Variants in MIB1 observed in about 807,000 individuals in gnomAD.
MIB1 encodes the protein MIB E3 ubiquitin protein ligase 1.
MIB1 carries 278 observed loss-of-function variants against 124.5 expected under a neutral mutation model. The ratio of observed to expected loss-of-function variants is 2.23; its 90% CI spans 2.02 to 2.47. The LOEUF (loss-of-function observed/expected upper bound fraction) is 2.47, where lower values mean the gene tolerates loss of function less well. Among genes scored for constraint, MIB1 ranks in the 30% most tolerant of loss-of-function variants. The pLI is 0.00. For missense variants in MIB1, 957 were observed against 1,254.4 expected (o/e 0.76, Z 3.58); for synonymous variants, 446 against 429.4 (o/e 1.04, Z -0.48).
In MIB1 at chr18:21,779,619, C is replaced by T. The variant is rs1166486126; in HGVS notation, c.842C>T (p.Thr281Ile). 2 of 1,613,922 alleles carry T rather than the reference C, an allele frequency of 1.2e-6. No homozygotes were observed. Among genetic ancestry groups the T allele is most frequent in the South Asian group, 1.1e-5 (1 of 91,080 alleles). The change falls in exon 6 of 21, where the codon ACA (threonine) becomes ATA (isoleucine). Residue 281 changes from threonine (T) to isoleucine (I), a missense_variant. Thr to Ile is a moderately conservative substitution (Grantham distance 89, BLOSUM62 -1). Transcript: ENST00000261537. Reference sequence around the variant, plus strand: ...GATGGAATGTTTGAGACTTTAACTACAACTGGAACTGTTTGTGGCATTGAT... The same window carrying T: ...GATGGAATGTTTGAGACTTTAACTATAACTGGAACTGTTTGTGGCATTGAT... Reference protein sequence around the residue: ...WTDGMFETLTTTGTVCGIDED... With the variant: ...WTDGMFETLTITGTVCGIDED...
At chr18:21,814,612 G>A (rs1489272097) in intron 10 of MIB1, among the ~76,000 whole-genome samples, 2 of 151,940 alleles carry the variant, frequency 1.3e-5, no homozygotes, top group East Asian at 1.9e-4. Context: ...TTGCTCTGTC[G>A]CTCAGGCTTG....
rs543631609 is a variant in MIB1 at position 21,718,266 on chromosome 18, A to C, written n.167+13143A>C. Among the ~76,000 whole-genome samples, 5 of 152,308 alleles carry C rather than the reference A, an allele frequency of 3.3e-5. No homozygotes were observed. The South Asian group carries it at 1.0e-3, about 32-fold the overall frequency. ...AAGGGTGGATAGGGGGTGAGGGATA[A>C]AAAACTACAAATTGGGTGCAGTGTA... On this transcript the variant is annotated intron_variant and non_coding_transcript_variant, in intron 1 of 20. Coordinates refer to the MIB1 transcript ENST00000578646.
intron 1 of MIB1, among the ~76,000 whole-genome samples, chr18:21,715,853 A>T (rs1276528869): frequency 6.6e-6 from 1 of 152,190 alleles, no homozygotes; most frequent in Non-Finnish European, 1.5e-5. Flanking sequence ...GCCTCTAAGA[A>T]ATCTGAGATT....
Position 21,803,916 on chromosome 18 carries a change from C to T in MIB1, c.1381C>T (p.Gln461Ter). The part of the protein sequence containing the change: ...LKRPDVDVNG[Q>*]CAGHTAMQAA... Reference sequence around the variant, plus strand: ...TTTTTAAAAAATGTAGGTAAATGGGCAATGTGCTGGCCACACAGCTATGCA... The same window carrying T: ...TTTTTAAAAAATGTAGGTAAATGGGTAATGTGCTGGCCACACAGCTATGCA... Residue 461 changes from glutamine to a stop codon, truncating the protein, a stop_gained, in exon 10 of 21, where the codon CAA becomes TAA. Transcript: ENST00000261537. LOFTEE classifies it high-confidence loss of function. The T allele has an allele frequency of 3.7e-6, 6 of 1,611,472 alleles. No individual in the cohort carries two copies. The highest frequency in any genetic ancestry group is 5.1e-6 in the Non-Finnish European group (6 of 1,178,396).
At chr18:21,712,469 C>A (rs1352246232) in intron 1 of MIB1, among the ~76,000 whole-genome samples, 1 of 152,198 alleles carries the variant, frequency 6.6e-6, no homozygotes, top group Admixed American at 6.5e-5. Flanking sequence ...TGGAGCTAGA[C>A]TGTCCTTTCA....
At chr18:21,809,220 T>C (rs2041742981) in intron 10 of MIB1, among the ~76,000 whole-genome samples, 1 of 152,012 alleles carries the variant, frequency 6.6e-6, no homozygotes, top group African/African-American at 2.4e-5. Context: ...CATGAAGAAA[T>C]AGGAAACCTG....
intron 1 of MIB1, among the ~76,000 whole-genome samples, chr18:21,713,120 G>A (rs959037874): frequency 6.6e-6 from 1 of 152,012 alleles, no homozygotes; most frequent in Non-Finnish European, 1.5e-5. Context: ...ACCATGCCCA[G>A]CTTATTTTTT....
intron 6 of MIB1, among the ~76,000 whole-genome samples, chr18:21,782,148 G>T (rs1435521095): frequency 7.2e-5 from 11 of 151,974 alleles, no homozygotes; most frequent in Non-Finnish European, 1.3e-4. Flanking sequence ...TTGAGACGAA[G>T]TTTCGCTCTT....
chr18:21,732,666 T>G (rs1266721028), intron 1 of MIB1, among the ~76,000 whole-genome samples: 4 of 152,124 alleles, frequency 2.6e-5, no homozygotes, highest in Non-Finnish European at 5.9e-5. Context: ...CCCAAAGTGC[T>G]GGGATTATAG....
Position 21,765,855 on chromosome 18 carries a change from A to G in MIB1, c.313A>G (p.Asn105Asp), listed in dbSNP as rs1555689101. 3 of 1,614,176 alleles carry G rather than the reference A, an allele frequency of 1.9e-6. No homozygotes were observed. Among genetic ancestry groups the G allele is most frequent in the Admixed American group, 1.7e-5 (1 of 60,024 alleles). Residue 105 changes from asparagine to aspartate, a missense_variant, in exon 2 of 21, where the codon AAT (asparagine) becomes GAT (aspartate). Asn to Asp is a conservative substitution (Grantham distance 23). Coordinates refer to ENST00000261537, the MANE Select transcript of MIB1 (RefSeq NM_020774.4). Reference protein sequence around the residue: ...GIRWKCAECTNYDLCTVCYHG... With the variant: ...GIRWKCAECTDYDLCTVCYHG... The stretch of plus-strand genomic sequence containing the variant: ...TCGATGGAAGTGTGCAGAGTGTACA[A>G]ATTATGATTTGTGCACAGTGTGTTA...
At chr18:21,838,529 T>G in intron 13 of MIB1, 32 bp downstream of exon 13, 1 of 1,533,754 alleles carries the variant, frequency 6.5e-7, no homozygotes, top group South Asian at 1.3e-5. Flanking sequence ...TCCCTCTTTT[T>G]TATTTTTTTT....
chr18:21,771,335 T>G (rs961792892), intron 3 of MIB1, among the ~76,000 whole-genome samples: 1 of 152,220 alleles, frequency 6.6e-6, no homozygotes, highest in Non-Finnish European at 1.5e-5. Flanking sequence ...TTAAAGTAAA[T>G]TTGATTTAAA....
intron 12 of MIB1, among the ~76,000 whole-genome samples, chr18:21,822,753 A>G (rs1373995877): frequency 6.6e-6 from 1 of 152,026 alleles, no homozygotes; most frequent in Non-Finnish European, 1.5e-5. Flanking sequence ...AGAAGGTGCC[A>G]TTTTTAGTGT....
intron 12 of MIB1, among the ~76,000 whole-genome samples, chr18:21,834,591 C>T (rs1401563668): frequency 6.6e-6 from 1 of 152,162 alleles, no homozygotes; most frequent in Non-Finnish European, 1.5e-5. Flanking sequence ...GATTAAATGA[C>T]ACTTTATCTC....
intron 20 of MIB1, among the ~76,000 whole-genome samples, chr18:21,860,098 CTTTTTTTTTTTTTTT>C (rs398032096): frequency 3.8e-5 from 1 of 26,460 alleles, no homozygotes; most frequent in Non-Finnish European, 7.0e-5. Flanking sequence ...TTCTTTATGT[CTTTTTTTTTTTTTTT>C]TTTTTTTTTT....
At chr18:21,855,234 T>A (rs1539861) in intron 18 of MIB1, among the ~76,000 whole-genome samples, 141,834 of 152,250 alleles carry the variant, frequency 0.93, 66,469 homozygotes, top group South Asian at 0.98. Context: ...GTGGAACATA[T>A]GCCTTTCCCA....
intron 1 of MIB1, among the ~76,000 whole-genome samples, chr18:21,760,773 T>G (rs2041088770): frequency 6.6e-6 from 1 of 152,212 alleles, no homozygotes; most frequent in African/African-American, 2.4e-5. Context: ...TTCTGTTGAA[T>G]GGGGTAGTTG....
At chr18:21,817,230 T>C (rs2041838326) in intron 11 of MIB1, among the ~76,000 whole-genome samples, 1 of 141,656 alleles carries the variant, frequency 7.1e-6, no homozygotes. Flanking sequence ...GGCGTGATCA[T>C]GGCTCATTGC....
At chr18:21,705,575 C>T (rs978635307) in intron 1 of MIB1, among the ~76,000 whole-genome samples, 2 of 152,102 alleles carry the variant, frequency 1.3e-5, no homozygotes, top group African/African-American at 4.8e-5. Flanking sequence ...CCTATTCCTA[C>T]TCTTATGAAC....
Sources: gnomAD v4.1 joint callset for allele counts (sites outside exome capture counted in the v4.1 genomes callset) on GRCh38, gnomAD v4.1.1 for gene constraint, MANE v1.5 for transcripts, NCBI Gene and HGNC (gene_info 2026-07-23, HGNC 2026-07-21) for gene names.